The following PHYKPL variants were observed in gnomAD, a reference collection of about 807,000 sequenced individuals.
The protein encoded by PHYKPL is 5-phosphonooxy-L-lysine phospho-lyase.
In PHYKPL, 42 loss-of-function variants were observed where a neutral mutation model predicts 51.3. The observed-to-expected ratio is 0.82, with a 90% CI of 0.64 to 1.06. PHYKPL has a LOEUF of 1.06. Ranked by LOEUF, PHYKPL falls within the 50% of genes least tolerant of loss-of-function variation. The pLI is 0.00. For missense variants in PHYKPL, 655 were observed against 586.6 expected (o/e 1.12, Z -1.20); for synonymous variants, 264 against 236.0 (o/e 1.12, Z -1.09).
rs553923363 is a variant in PHYKPL at position 178,222,344 on chromosome 5, C to T, written c.927+11G>A. ...CCCATGTTGCTCCCTTGACTTAGAG[C>T]CATCACTCACCGTGTTGAAGTACTC... On this transcript the variant is annotated intron_variant, in intron 8 of 12. Transcript: ENST00000308158. 1.9e-6 allele frequency: 3 copies of T among 1,603,654 alleles called. No individual in the cohort carries two copies. The highest frequency in any genetic ancestry group is 2.2e-5 in the East Asian group (1 of 44,658).
intron 8 of PHYKPL, chr5:178,216,685 A>C (rs1759861973): frequency 6.6e-6 from 1 of 152,272 alleles, no homozygotes. Flanking sequence ...ATCAATGCAA[A>C]CTGCGCCCGA....
intron 6 of PHYKPL, 86 bp downstream of exon 6, chr5:178,224,362 T>G: frequency 7.2e-7 from 1 of 1,384,570 alleles, no homozygotes; most frequent in Non-Finnish European, 9.8e-7. Flanking sequence ...GTTTTCTCTC[T>G]GGGTTCCCAG....
chr5:178,209,960 C>T (rs1034131389), intron 12 of PHYKPL, among the ~76,000 whole-genome samples: 12 of 145,626 alleles, frequency 8.2e-5, no homozygotes, highest in Admixed American at 7.0e-5. Flanking sequence ...CTGCTTGGGT[C>T]TCTCAGATGC....
chr5:178,210,503 C>T, intron 12 of PHYKPL: 1 of 1,574,624 alleles, frequency 6.4e-7, no homozygotes, highest in Non-Finnish European at 8.7e-7. Flanking sequence ...GCGCGTGGCA[C>T]AGGGCAAATG....
chr5:178,227,064 A>C (rs1762440274), intron 3 of PHYKPL, among the ~76,000 whole-genome samples: 1 of 151,174 alleles, frequency 6.6e-6, no homozygotes, highest in Non-Finnish European at 1.5e-5. Flanking sequence ...GCTGAGCTGC[A>C]CCCCCCCACC....
chr5:178,210,122 C>A, intron 12 of PHYKPL: 3 of 1,613,710 alleles, frequency 1.9e-6, no homozygotes, highest in Non-Finnish European at 2.5e-6. Flanking sequence ...GTGCCCTGCT[C>A]CCCCCACAGG....
At position 178,230,076 on chromosome 5, in the gene PHYKPL, C is replaced by T. The variant is rs1299207395; in HGVS notation, c.202G>A (p.Val68Ile). The part of the protein sequence containing the change: ...AHVGHCHPLV[V>I]QAAHEQNQVL... ...TGGTTCTGCTCATGTGCTGCTTGGA[C>T]CACGAGAGGGTGGCAGTGCCCAACT... is the stretch of plus-strand genomic sequence containing the variant. The change falls in exon 3 of 13, where the codon GTC becomes ATC. Residue 68 changes from valine (V) to isoleucine (I), a missense_variant. Coordinates refer to ENST00000308158, the MANE Select transcript of PHYKPL (RefSeq NM_153373.4). The T allele has an allele frequency of 1.9e-6, 3 of 1,613,982 alleles. No individual in the cohort carries two copies. The Admixed American group carries it at 5.0e-5, about 27-fold the overall frequency.
chr5:178,223,690 T>G, intron 6 of PHYKPL: 2 of 348,116 alleles, frequency 5.7e-6, no homozygotes, highest in Non-Finnish European at 1.1e-5. Context: ...ACAGGCTGCC[T>G]TTCTTTGTCG....
rs747379123 is a variant in PHYKPL at position 178,231,406 on chromosome 5, G to T, written c.177C>A (p.His59Gln). 1 of 1,614,168 alleles carries T rather than the reference G, an allele frequency of 6.2e-7. No individual in the cohort carries two copies. The highest frequency in any genetic ancestry group is 2.2e-5 in the East Asian group (1 of 44,892). Residue 59 changes from histidine (H) to glutamine (Q), a missense_variant and splice_region_variant, in exon 2 of 13, where the codon CAC becomes CAA. Transcript: ENST00000308158. Reference sequence around the variant, plus strand: ...GCCAGCCTGAGGTGTGATACTGACCGTGCGCCACATTGCTGATGCAATCGA... The same window carrying T: ...GCCAGCCTGAGGTGTGATACTGACCTTGCGCCACATTGCTGATGCAATCGA... Reference protein sequence around the residue: ...EYIDCISNVAHVGHCHPLVVQ... With the variant: ...EYIDCISNVAQVGHCHPLVVQ...
intron 10 of PHYKPL, 84 bp downstream of exon 10, chr5:178,214,712 T>A: frequency 7.9e-7 from 1 of 1,267,024 alleles, no homozygotes; most frequent in Non-Finnish European, 1.1e-6. Flanking sequence ...GGGGTACAGA[T>A]GAGGCTCCTT....
intron 6 of PHYKPL, chr5:178,223,275 C>T: frequency 2.3e-6 from 1 of 431,014 alleles, no homozygotes; most frequent in Non-Finnish European, 4.6e-6. Flanking sequence ...GATTCTACCT[C>T]AGCCCCCTCT....
At chr5:178,225,204 CTCAG>C in intron 4 of PHYKPL, 147 bp downstream of exon 4, 1 of 868,206 alleles carries the variant, frequency 1.2e-6, no homozygotes. Flanking sequence ...TCTGGGAGGT[CTCAG>C]GCCTGGTCCT....
At chr5:178,212,474 C>A (rs1758756040) in intron 11 of PHYKPL, among the ~76,000 whole-genome samples, 1 of 152,212 alleles carries the variant, frequency 6.6e-6, no homozygotes, top group Non-Finnish European at 1.5e-5. Context: ...TTAGGGGGAA[C>A]CCTGGGTTGA....
At chr5:178,222,308 G>A (rs1761324003) in intron 8 of PHYKPL, 47 bp downstream of exon 8, 3 of 1,516,956 alleles carry the variant, frequency 2.0e-6, no homozygotes, top group Middle Eastern at 1.7e-4. Flanking sequence ...ATCACCGGGG[G>A]CCTATCAGAA....
chr5:178,232,099 A>C (rs1581399055), intron 1 of PHYKPL: 1 of 1,183,330 alleles, frequency 8.5e-7, no homozygotes, highest in Non-Finnish European at 1.1e-6. Flanking sequence ...CTCCCAGGTC[A>C]CTCTCGAGCC....
intron 12 of PHYKPL, chr5:178,211,621 G>A (rs965510663): frequency 2.1e-5 from 9 of 429,264 alleles, no homozygotes; most frequent in African/African-American, 4.0e-5. Context: ...TAGGGCATAA[G>A]ACTAGGTGGT....
At chr5:178,207,607 T>C (rs1315433056), downstream of PHYKPL, among the ~76,000 whole-genome samples, 3 of 151,678 alleles carry the variant, frequency 2.0e-5, no homozygotes, top group Non-Finnish European at 2.9e-5. Context: ...CTGATTCTCC[T>C]CTGTGGTGAA....
chr5:178,213,009 G>A lies in PHYKPL; in HGVS notation c.1267C>T (p.Arg423Trp), dbSNP rs772375595. The change falls in exon 11 of 13, where the codon CGG becomes TGG. Residue 423 changes from arginine to tryptophan, a missense_variant. By Grantham distance (101) the Arg-to-Trp change is moderately radical. Coordinates refer to ENST00000308158, the MANE Select transcript of PHYKPL (RefSeq NM_153373.4). ...GCATCCAGCTTTGCCACCACCTGCC[G>A]TGCATTGTCCAGGCTGAAGCACATT... ...PPMCFSLDNA[R>W]QVVAKLDAIL... 18 of 1,614,034 alleles carry A rather than the reference G, an allele frequency of 1.1e-5. No homozygotes were observed. The highest frequency in any genetic ancestry group is 8.9e-5 in the East Asian group (4 of 44,904).
intron 5 of PHYKPL, 24 bp downstream of exon 5, chr5:178,224,618 G>A (rs745560992): frequency 8.3e-5 from 134 of 1,614,080 alleles, no homozygotes; most frequent in Non-Finnish European, 1.1e-4. Context: ...GCACCGACCT[G>A]TTGTTGAGTT....
Sources: gnomAD v4.1 joint callset for allele counts (sites outside exome capture counted in the v4.1 genomes callset) on GRCh38, gnomAD v4.1.1 for gene constraint, MANE v1.5 for transcripts, NCBI Gene and HGNC (gene_info 2026-07-23, HGNC 2026-07-21) for gene names.